Variants in SCAPER observed in about 807,000 individuals in gnomAD.
SCAPER encodes the protein S-phase cyclin A associated protein in the ER, also known as S phase cyclin A-associated protein in the endoplasmic reticulum.
Under a neutral mutation model 182.2 loss-of-function variants are expected in SCAPER, and 98 were observed. The ratio of observed to expected loss-of-function variants is 0.54; its 90% CI spans 0.46 to 0.64. The LOEUF (loss-of-function observed/expected upper bound fraction) is 0.64, where lower values mean the gene tolerates loss of function less well. Among genes scored for constraint, SCAPER ranks in the 30% least tolerant of loss-of-function variants. The pLI is 0.00. For synonymous variants in SCAPER, 605 were observed against 564.6 expected, an observed-to-expected ratio of 1.07 and a Z score of -1.01; for missense variants, 1,432 against 1,690.0, an observed-to-expected ratio of 0.85 and a Z score of 2.68.
chr15:76,526,078 T>C (rs571779286), intron 23 of SCAPER, among the ~76,000 whole-genome samples: 31 of 152,340 alleles, frequency 2.0e-4, no homozygotes, highest in Non-Finnish European at 2.8e-4. Flanking sequence ...AAAATACTCA[T>C]GTGTTTTTAC....
intron 26 of SCAPER, among the ~76,000 whole-genome samples, chr15:76,406,248 C>A (rs2044820575): frequency 6.6e-6 from 1 of 152,158 alleles, no homozygotes; most frequent in Non-Finnish European, 1.5e-5. Flanking sequence ...GAGGCTGAGG[C>A]AGGTGGATCA....
intron 29 of SCAPER, among the ~76,000 whole-genome samples, chr15:76,369,315 C>T (rs1464068738): frequency 3.3e-5 from 5 of 152,192 alleles, no homozygotes; most frequent in Non-Finnish European, 5.9e-5. Flanking sequence ...TGACTTCTGA[C>T]TAATGATAAG....
intron 21 of SCAPER, among the ~76,000 whole-genome samples, chr15:76,656,254 T>C (rs2055625720): frequency 6.6e-6 from 1 of 152,090 alleles, no homozygotes; most frequent in Non-Finnish European, 1.5e-5. Context: ...GTTGCTACCG[T>C]AATTCCAGAA....
At chr15:76,606,701 T>C (rs1467667855) in intron 22 of SCAPER, among the ~76,000 whole-genome samples, 1 of 151,642 alleles carries the variant, frequency 6.6e-6, no homozygotes, top group Non-Finnish European at 1.5e-5. Context: ...TGGGTGCTCC[T>C]GTATTGGGTG....
At chr15:76,727,255 A>T (rs1384198012) in intron 17 of SCAPER, among the ~76,000 whole-genome samples, 1 of 152,118 alleles carries the variant, frequency 6.6e-6, no homozygotes, top group Non-Finnish European at 1.5e-5. Flanking sequence ...TTTTAAATAT[A>T]GAACTGAGCA....
chr15:76,724,409 G>A (rs548435080), intron 17 of SCAPER, among the ~76,000 whole-genome samples: 1 of 152,152 alleles, frequency 6.6e-6, no homozygotes, highest in Non-Finnish European at 1.5e-5. Flanking sequence ...GTGTCTTGGA[G>A]TTGCTCTTCT....
At chr15:76,835,262 A>T (rs946286146) in intron 5 of SCAPER, among the ~76,000 whole-genome samples, 1 of 152,000 alleles carries the variant, frequency 6.6e-6, no homozygotes, top group Non-Finnish European at 1.5e-5. Context: ...TGATGAACAC[A>T]GATTTAAAAA....
rs1225009824 is a variant in SCAPER, at chr15:76,440,907, G to GTTTTTTTTTTTT, written c.3079-6598_3079-6597insAAAAAAAAAAAA. Among the ~76,000 whole-genome samples the GTTTTTTTTTTTT allele has an allele frequency of 8.5e-5, 7 of 82,818 alleles. 2 individuals carry two copies. Among genetic ancestry groups the GTTTTTTTTTTTT allele is most frequent in the African/African-American group, 3.1e-4 (7 of 22,852 alleles). 54.3% of individuals were successfully genotyped at this position (82,818 alleles called of 152,430 possible). ...ATCTTTTAAAATTATTCCCCTTCTGGTTTTTTTTTTGTTTTTTTTTTTTTT... is the reference window on the plus strand; with the variant it reads ...ATCTTTTAAAATTATTCCCCTTCTGGTTTTTTTTTTTTTTTTTTTTTTGTTTTTTTTTTTTTT... On this transcript the variant is annotated intron_variant, in intron 25 of 31. Transcript: ENST00000563290.
At chr15:76,672,181 A>C (rs1414623758) in intron 20 of SCAPER, among the ~76,000 whole-genome samples, 1 of 152,236 alleles carries the variant, frequency 6.6e-6, no homozygotes, top group African/African-American at 2.4e-5. Context: ...CAGAACCAGG[A>C]AACTTCAGAA....
At chr15:76,677,997 T>C (rs1467518100) in intron 20 of SCAPER, among the ~76,000 whole-genome samples, 4 of 152,036 alleles carry the variant, frequency 2.6e-5, no homozygotes, top group Admixed American at 1.3e-4. Flanking sequence ...TTCTGTCAAG[T>C]GTTGTCTCAA....
chr15:76,870,879 T>G (rs1216787162), intron 2 of SCAPER, among the ~76,000 whole-genome samples: 1 of 152,074 alleles, frequency 6.6e-6, no homozygotes, highest in Non-Finnish European at 1.5e-5. Flanking sequence ...AAATTGTGAA[T>G]TTTTTTAATA....
intron 24 of SCAPER, among the ~76,000 whole-genome samples, chr15:76,494,712 A>C (rs2040334227): frequency 1.3e-5 from 2 of 152,114 alleles, no homozygotes; most frequent in Non-Finnish European, 2.9e-5. Context: ...TAAATAATTT[A>C]ATTGTTTTGT....
rs1217840256 is a variant in SCAPER at position 76,799,105 on chromosome 15, A to AT, written c.611+1142dup. On this transcript the variant is annotated intron_variant, in intron 7 of 31. Transcript: ENST00000563290. ...GTGTTGAGCTTGTAATATATAAATA[A>AT]TGTAATTTGTATGACAATAACACAA... 2.0e-5 allele frequency among the ~76,000 whole-genome samples: 3 copies of AT among 152,332 alleles called. No homozygotes were observed. In the East Asian group the frequency reaches 5.8e-4, roughly 29 times the overall value.
intron 15 of SCAPER, chr15:76,736,804 AGAG>A (rs1429961271): frequency 1.3e-5 from 2 of 157,862 alleles, no homozygotes; most frequent in African/African-American, 4.8e-5. Flanking sequence ...CATCCCTGAT[AGAG>A]GAGGACTGGT....
At chr15:76,816,377 C>T (rs1201519386) in intron 5 of SCAPER, among the ~76,000 whole-genome samples, 2 of 151,920 alleles carry the variant, frequency 1.3e-5, no homozygotes, top group Admixed American at 6.6e-5. Flanking sequence ...TCCTTTTTAA[C>T]TTTTGTTAAA....
chr15:76,844,271 GAA>G (rs34092470), intron 4 of SCAPER, among the ~76,000 whole-genome samples: 29,871 of 125,142 alleles, frequency 0.24, 4,015 homozygotes, highest in Admixed American at 0.37. Flanking sequence ...ACAGAAAGAG[GAA>G]AAAAAAAAAA....
intron 29 of SCAPER, among the ~76,000 whole-genome samples, chr15:76,355,051 C>T (rs2040861241): frequency 6.6e-6 from 1 of 152,152 alleles, no homozygotes; most frequent in Non-Finnish European, 1.5e-5. Flanking sequence ...CTTGGAAAAA[C>T]ACAATTTTAC....
At chr15:76,395,319 A>T (rs550475418) in intron 27 of SCAPER, among the ~76,000 whole-genome samples, 2 of 152,282 alleles carry the variant, frequency 1.3e-5, no homozygotes, top group South Asian at 2.1e-4. Context: ...GGGAGTGTGG[A>T]TATCTCTTTG....
chr15:76,352,388 C>A (rs1281023647), intron 30 of SCAPER, among the ~76,000 whole-genome samples: 1 of 151,892 alleles, frequency 6.6e-6, no homozygotes, highest in African/African-American at 2.4e-5. Flanking sequence ...GCCCAGCACA[C>A]CTTACACACT....
Sources: gnomAD v4.1 joint callset for allele counts (sites outside exome capture counted in the v4.1 genomes callset) on GRCh38, gnomAD v4.1.1 for gene constraint, MANE v1.5 for transcripts, NCBI Gene and HGNC (gene_info 2026-07-23, HGNC 2026-07-21) for gene names.